The following SEC14L1 variants were observed in gnomAD, a reference collection of about 807,000 sequenced individuals.
The protein encoded by SEC14L1 is SEC14-like protein 1.
SEC14L1 carries 48 observed loss-of-function variants against 85.3 expected under a neutral mutation model. The observed-to-expected ratio is 0.56, with a 90% confidence interval of 0.45 to 0.72. SEC14L1 has a LOEUF of 0.72. Among genes scored for constraint, SEC14L1 ranks in the 30% least tolerant of loss-of-function variants. The pLI is 0.00. For synonymous variants in SEC14L1, 391 were observed against 355.5 expected, an observed-to-expected ratio of 1.10 and a Z score of -1.12; for missense variants, 682 against 921.4, an observed-to-expected ratio of 0.74 and a Z score of 3.36.
chr17:77,145,225 C>T (rs1482216201), intron 3 of SEC14L1, among the ~76,000 whole-genome samples: 1 of 151,972 alleles, frequency 6.6e-6, no homozygotes, highest in African/African-American at 2.4e-5. Flanking sequence ...AACTTCTGCC[C>T]TCAGGTGATC....
At chr17:77,171,283 C>T (rs1296673322) in intron 3 of SEC14L1, among the ~76,000 whole-genome samples, 4 of 152,152 alleles carry the variant, frequency 2.6e-5, no homozygotes, top group Non-Finnish European at 5.9e-5. Context: ...GGCAACATTT[C>T]CCTCTCATCT....
chr17:77,179,162 T>C (rs902248845), intron 3 of SEC14L1, among the ~76,000 whole-genome samples: 1 of 152,192 alleles, frequency 6.6e-6, no homozygotes, highest in African/African-American at 2.4e-5. Context: ...CCTCCCGGTG[T>C]TGGCCCATTC....
rs145269829 is a variant in SEC14L1 at position 77,114,480 on chromosome 17, C to T, written c.-136+21133C>T. Reference sequence around the variant, plus strand: ...CGGAGGTTGCAGTGAGCCGAGATCGCGCCACTGCACTCCAGCCTAGGTGAC... The same window carrying T: ...CGGAGGTTGCAGTGAGCCGAGATCGTGCCACTGCACTCCAGCCTAGGTGAC... On this transcript the variant is annotated intron_variant, in intron 3 of 19. Coordinates refer to the SEC14L1 transcript ENST00000392476. Among the ~76,000 whole-genome samples, 726 of 150,174 alleles carry T rather than the reference C, an allele frequency of 4.8e-3. 6 individuals are homozygous for T. Among genetic ancestry groups the T allele is most frequent in the African/African-American group, 0.017 (679 of 40,766 alleles).
At chr17:77,142,338 G>A (rs1973092892) in intron 1 of SEC14L1, among the ~76,000 whole-genome samples, 3 of 152,064 alleles carry the variant, frequency 2.0e-5, no homozygotes, top group Admixed American at 1.3e-4. Context: ...ACTTTGGGAG[G>A]CTGAAGTGGG....
chr17:77,141,505 C>G (rs1028790990), intron 1 of SEC14L1: 1 of 152,148 alleles, frequency 6.6e-6, no homozygotes, highest in Admixed American at 6.5e-5. Context: ...GCCCCGGGCG[C>G]CGGCCGCCCC....
intron 1 of SEC14L1, 198 bp downstream of exon 1, chr17:77,141,305 C>T (rs1174518141): frequency 7.3e-6 from 1 of 137,332 alleles, no homozygotes; most frequent in East Asian, 2.3e-4. Flanking sequence ...CCTCCGCCCC[C>T]CTGCTCGCCC....
upstream of SEC14L1, among the ~76,000 whole-genome samples, chr17:77,137,216 A>C (rs1390205198): frequency 2.0e-5 from 3 of 152,136 alleles, no homozygotes; most frequent in Non-Finnish European, 4.4e-5. Context: ...GCCACAAGAA[A>C]GCAGTAATTT....
intron 3 of SEC14L1, among the ~76,000 whole-genome samples, chr17:77,190,143 A>C (rs997308849): frequency 6.6e-6 from 1 of 152,004 alleles, no homozygotes; most frequent in Non-Finnish European, 1.5e-5. Flanking sequence ...ACAAGGTGTG[A>C]GGTTTAGATC....
intron 10 of SEC14L1, among the ~76,000 whole-genome samples, chr17:77,204,062 C>G (rs1976325600): frequency 6.6e-6 from 1 of 152,184 alleles, no homozygotes; most frequent in South Asian, 2.1e-4. Context: ...CATCATCTCG[C>G]TGACTCCAGC....
At chr17:77,122,395 G>A (rs571263220) in intron 3 of SEC14L1, among the ~76,000 whole-genome samples, 1 of 150,954 alleles carries the variant, frequency 6.6e-6, no homozygotes, top group African/African-American at 2.4e-5. Flanking sequence ...TCAACTTTCC[G>A]AGCTCAAGTG....
chr17:77,151,742 C>T (rs575215789), intron 3 of SEC14L1, among the ~76,000 whole-genome samples: 4 of 152,304 alleles, frequency 2.6e-5, no homozygotes, highest in East Asian at 3.9e-4. Context: ...GTGGCTTATG[C>T]CCGTAATCCC....
rs1374707929 is a variant in SEC14L1 at position 77,202,335 on chromosome 17, G to C, written c.1010-1235G>C. Reference sequence around the variant, plus strand: ...TTGTTGTCTCTACTTAAAAAAAAAGGAGGCTGGGCGCGGTGGCTCACACCT... The same window carrying C: ...TTGTTGTCTCTACTTAAAAAAAAAGCAGGCTGGGCGCGGTGGCTCACACCT... On this transcript the variant is annotated intron_variant, in intron 9 of 16. Transcript: ENST00000436233. 2.0e-5 allele frequency among the ~76,000 whole-genome samples: 3 copies of C among 151,774 alleles called. No homozygotes were observed. The East Asian group carries it at 5.9e-4, about 30-fold the overall frequency.
chr17:77,110,647 G>A (rs1972023607), intron 3 of SEC14L1, among the ~76,000 whole-genome samples: 1 of 151,944 alleles, frequency 6.6e-6, no homozygotes, highest in Non-Finnish European at 1.5e-5. Context: ...TTGGGAGGCT[G>A]AGGTGGGTGG....
At chr17:77,137,010 A>T (rs1972819894), upstream of SEC14L1, among the ~76,000 whole-genome samples, 1 of 151,844 alleles carries the variant, frequency 6.6e-6, no homozygotes, top group South Asian at 2.1e-4. Flanking sequence ...CCCAGGTTCA[A>T]GCAATTCTCC....
Position 77,206,531 on chromosome 17 carries a change from A to C in SEC14L1, c.1341+131A>C. 7.7e-7 allele frequency: 1 copy of C among 1,292,708 alleles called. No homozygotes were observed. Among genetic ancestry groups the C allele is most frequent in the South Asian group, 1.5e-5 (1 of 65,956 alleles). 80.1% of individuals were successfully genotyped at this position (1,292,708 alleles called of 1,614,324 possible). ...AAAACAATAACATGCAAAGATATAAAATTTCTCAAATTGTTTAAGAAAGGG... is the reference window on the plus strand; with the variant it reads ...AAAACAATAACATGCAAAGATATAACATTTCTCAAATTGTTTAAGAAAGGG... On this transcript the variant is annotated intron_variant, in intron 12 of 16. Transcript: ENST00000436233. The surrounding 1 kb of genome is among the most constrained non-coding windows in gnomAD (Gnocchi z 4.3).
rs999192412 is a variant in SEC14L1, at chr17:77,213,607, G to A, written c.2042+115G>A. 3.2e-6 allele frequency: 4 copies of A among 1,234,806 alleles called. No individual in the cohort carries two copies. The highest frequency in any genetic ancestry group is 4.6e-6 in the Non-Finnish European group (4 of 867,794). The allele number at this position is 1,234,806 out of a possible 1,614,324, so 76.5% of individuals were successfully genotyped here. A position where few individuals can be genotyped will look rare whatever the true frequency, so the allele number is the denominator to read the frequency against. ...GTGGCGGCGGGTGTCAGGAATGCTT[G>A]GAGGGCCAGGAGGGAGTGGCTTTGG... On this transcript the variant is annotated intron_variant, in intron 16 of 16. Coordinates refer to ENST00000436233, the MANE Select transcript of SEC14L1 (RefSeq NM_001143998.2). The surrounding 1 kb of genome is among the most constrained non-coding windows in gnomAD (Gnocchi z 7.1).
chr17:77,138,453 C>G (rs973759571), upstream of SEC14L1, among the ~76,000 whole-genome samples: 20 of 151,878 alleles, frequency 1.3e-4, no homozygotes, highest in Non-Finnish European at 2.8e-4. Context: ...AAGCCCGTCT[C>G]TACTAAAAAT....
chr17:77,154,569 G>A (rs1973716499), intron 3 of SEC14L1, among the ~76,000 whole-genome samples: 1 of 152,010 alleles, frequency 6.6e-6, no homozygotes, highest in Non-Finnish European at 1.5e-5. Context: ...GGGATTGGAG[G>A]GACATCCTGG....
rs1971905325 is a variant in SEC14L1 at position 77,105,988 on chromosome 17, A to G, written c.-136+12641A>G. Among the ~76,000 whole-genome samples, 4 of 141,586 alleles carry G rather than the reference A, an allele frequency of 2.8e-5. No homozygotes were observed. The South Asian group carries it at 8.9e-4, about 31-fold the overall frequency. The allele number at this position is 141,586 out of a possible 152,430, so 92.9% of individuals were successfully genotyped here. A position where few individuals can be genotyped will look rare whatever the true frequency, so the allele number is the denominator to read the frequency against. ...TAAGCAGATAAGTAGAGTTCAGAGG[A>G]AAAAAAAAAAAAGGAAAAGTCAGTC... On this transcript the variant is annotated intron_variant, in intron 3 of 19. Transcript: ENST00000392476.
Sources: allele counts gnomAD v4.1 joint callset (sites outside exome capture counted in the v4.1 genomes callset), GRCh38; gene constraint gnomAD v4.1.1; non-coding constraint Gnocchi (gnomAD v3.1); transcripts MANE v1.5; gene names NCBI Gene and HGNC (gene_info 2026-07-23, HGNC 2026-07-21).